VRK2: variants seen among roughly 807,000 people sequenced by gnomAD.
The protein encoded by VRK2 is VRK serine/threonine kinase 2.
VRK2 carries 60 observed loss-of-function variants against 57.6 expected under a neutral mutation model. The observed-to-expected ratio is 1.04, with a 90% confidence interval of 0.85 to 1.29. The LOEUF (loss-of-function observed/expected upper bound fraction) is 1.29. Ranked by LOEUF, VRK2 falls within the 50% of genes most tolerant of loss-of-function variation. VRK2 has a pLI of 0.00. For missense variants in VRK2, 705 were observed against 588.1 expected (o/e 1.20, Z -2.06); for synonymous variants, 231 against 199.2 (o/e 1.16, Z -1.35).
intron 2 of VRK2, among the ~76,000 whole-genome samples, chr2:58,057,346 T>C (rs887873344): frequency 6.6e-6 from 1 of 152,150 alleles, no homozygotes; most frequent in African/African-American, 2.4e-5. Flanking sequence ...GGGATAAAAG[T>C]ATGTGTTTAT....
chr2:58,155,590 G>A (rs1157586464), intron 12 of VRK2, among the ~76,000 whole-genome samples: 2 of 152,100 alleles, frequency 1.3e-5, no homozygotes, highest in East Asian at 3.9e-4. Flanking sequence ...GTGGGATAGG[G>A]TATCACCTTG....
rs1051061 is a variant in VRK2 at position 58,089,679 on chromosome 2, A to G, written c.499A>G (p.Ile167Val). 0.38 allele frequency: 601,134 copies of G among 1,598,772 alleles called. 117,931 individuals are homozygous for G. Among genetic ancestry groups the G allele is most frequent in the Middle Eastern group, 0.46 (2,781 of 6,026 alleles). Residue 167 changes from isoleucine (I) to valine (V), a missense_variant, in exon 7 of 13, where the codon ATA becomes GTA. Physicochemically the swap from Ile to Val is conservative, Grantham distance 29. Transcript: ENST00000340157. ...IHENEYVHGD[I>V]KAANLLLGYK... ...TGAAAATGAATATGTTCATGGTGAT[A>G]TAAAAGCAGCAAATCTACTTTTGGG...
intron 11 of VRK2, among the ~76,000 whole-genome samples, chr2:58,142,277 C>T (rs903614369): frequency 2.0e-5 from 3 of 151,256 alleles, no homozygotes; most frequent in African/African-American, 7.3e-5. Context: ...TAGCACATTA[C>T]CCTAAGAATC....
At chr2:57,971,995 G>GC in intron 1 of VRK2, among the ~76,000 whole-genome samples, 1 of 151,818 alleles carries the variant, frequency 6.6e-6, no homozygotes, top group South Asian at 2.1e-4. Context: ...ATTGTCTTTG[G>GC]CCAATAAGAG....
intron 1 of VRK2, among the ~76,000 whole-genome samples, chr2:57,912,674 T>C (rs906057862): frequency 2.0e-5 from 3 of 152,208 alleles, no homozygotes; most frequent in East Asian, 1.9e-4. Context: ...ACCGCTTTTG[T>C]TACAAGACTA....
At chr2:58,129,077 C>G (rs1678789249) in intron 8 of VRK2, among the ~76,000 whole-genome samples, 1 of 152,102 alleles carries the variant, frequency 6.6e-6, no homozygotes, top group African/African-American at 2.4e-5. Context: ...TATTGGTAAG[C>G]TCAATATAAG....
intron 1 of VRK2, among the ~76,000 whole-genome samples, chr2:57,984,975 A>T (rs1221114475): frequency 6.6e-6 from 1 of 152,000 alleles, no homozygotes; most frequent in Non-Finnish European, 1.5e-5. Context: ...CAACTAAAAA[A>T]AAATGTTATG....
At chr2:58,137,687 A>G (rs980620224) in intron 10 of VRK2, among the ~76,000 whole-genome samples, 2 of 152,152 alleles carry the variant, frequency 1.3e-5, no homozygotes, top group African/African-American at 4.8e-5. Context: ...TGCAGCATAC[A>G]TGTCCAACTA....
intron 1 of VRK2, among the ~76,000 whole-genome samples, chr2:57,917,966 G>A (rs2103898980): frequency 2.0e-5 from 3 of 152,032 alleles, no homozygotes; most frequent in Admixed American, 2.0e-4. Context: ...AATATAATTT[G>A]GTAAGGTTGA....
chr2:58,123,315 T>A, intron 8 of VRK2, 82 bp downstream of exon 8: 1 of 1,508,204 alleles, frequency 6.6e-7, no homozygotes, highest in Non-Finnish European at 8.9e-7. Flanking sequence ...TGAAATGACC[T>A]TTGCATAGTC....
At chr2:57,909,994 C>T (rs952737798) in intron 1 of VRK2, among the ~76,000 whole-genome samples, 1 of 151,884 alleles carries the variant, frequency 6.6e-6, no homozygotes, top group Non-Finnish European at 1.5e-5. Flanking sequence ...GTTTCATCCA[C>T]ATAGTCAATT....
At chr2:57,972,807 C>T (rs1444915523) in intron 1 of VRK2, among the ~76,000 whole-genome samples, 1 of 151,750 alleles carries the variant, frequency 6.6e-6, no homozygotes, top group Non-Finnish European at 1.5e-5. Flanking sequence ...ACATGCTTTT[C>T]CTTTTCACTT....
chr2:57,931,469 G>C (rs896066496), intron 1 of VRK2, among the ~76,000 whole-genome samples: 1 of 151,934 alleles, frequency 6.6e-6, no homozygotes, highest in Admixed American at 6.6e-5. Flanking sequence ...ATGTTTACTT[G>C]ATTTTTTGCT....
chr2:58,102,808 T>A (rs1372196982), intron 7 of VRK2, among the ~76,000 whole-genome samples: 1 of 151,624 alleles, frequency 6.6e-6, no homozygotes, highest in Non-Finnish European at 1.5e-5. Flanking sequence ...ACAGGGAACA[T>A]TCTCCAAGAT....
At chr2:58,022,984 C>T (rs1218966945) in intron 1 of VRK2, among the ~76,000 whole-genome samples, 2 of 152,190 alleles carry the variant, frequency 1.3e-5, no homozygotes, top group African/African-American at 4.8e-5. Flanking sequence ...ATATACATAA[C>T]ATAAAAGTTA....
intron 1 of VRK2, among the ~76,000 whole-genome samples, chr2:57,983,073 G>A (rs1176890484): frequency 6.6e-6 from 1 of 152,084 alleles, no homozygotes; most frequent in Admixed American, 6.6e-5. Context: ...TCTGTCCAGG[G>A]TTTCCAACTT....
chr2:58,116,234 G>A (rs1369264653), intron 7 of VRK2, among the ~76,000 whole-genome samples: 1 of 152,072 alleles, frequency 6.6e-6, no homozygotes, highest in Non-Finnish European at 1.5e-5. Context: ...CGGTCGCCAA[G>A]GAGGGAGTAG....
chr2:58,075,999 C>CT (rs1290100743), intron 2 of VRK2, among the ~76,000 whole-genome samples: 1 of 151,350 alleles, frequency 6.6e-6, no homozygotes, highest in Admixed American at 6.6e-5. Context: ...CAGTTTTTTT[C>CT]TTTTTTCTCC....
intron 2 of VRK2, among the ~76,000 whole-genome samples, chr2:58,051,059 G>A (rs1675656803): frequency 6.6e-6 from 1 of 152,144 alleles, no homozygotes; most frequent in African/African-American, 2.4e-5. Flanking sequence ...TGGCCAGGAT[G>A]GTCTCGAACT....
Sources: gnomAD v4.1 joint callset for allele counts (sites outside exome capture counted in the v4.1 genomes callset) on GRCh38, gnomAD v4.1.1 for gene constraint, MANE v1.5 for transcripts, NCBI Gene and HGNC (gene_info 2026-07-23, HGNC 2026-07-21) for gene names.